The following KCNH8 variants were observed in gnomAD, a reference collection of about 807,000 sequenced individuals.
KCNH8 encodes the protein potassium voltage-gated channel subfamily H member 8, also known as voltage-gated delayed rectifier potassium channel KCNH8.
In KCNH8, 70 loss-of-function variants were observed where a neutral mutation model predicts 103.6. That is an observed-to-expected ratio of 0.68 (90% confidence interval 0.56 to 0.82). The LOEUF is 0.82. KCNH8 is among the 40% of genes least tolerant of loss of function. The pLI, the probability that KCNH8 is intolerant of heterozygous loss-of-function variation, is 0.00. For synonymous variants in KCNH8, 498 were observed against 489.4 expected, an observed-to-expected ratio of 1.02 and a Z score of -0.23; for missense variants, 1,217 against 1,329.9, an observed-to-expected ratio of 0.92 and a Z score of 1.32.
At chr3:19,401,105 G>A (rs566007311) in intron 7 of KCNH8, among the ~76,000 whole-genome samples, 1 of 152,004 alleles carries the variant, frequency 6.6e-6, no homozygotes, top group African/African-American at 2.4e-5. Context: ...GCCTTAATGT[G>A]CACTGGAATG....
chr3:19,528,700 A>C (rs2069107634), intron 15 of KCNH8, among the ~76,000 whole-genome samples: 1 of 152,136 alleles, frequency 6.6e-6, no homozygotes, highest in Non-Finnish European at 1.5e-5. Flanking sequence ...TTATGGTAAA[A>C]TCATGATATA....
chr3:19,178,701 G>A (rs1029770452), intron 1 of KCNH8, among the ~76,000 whole-genome samples: 16 of 152,106 alleles, frequency 1.1e-4, no homozygotes, highest in African/African-American at 3.9e-4. Flanking sequence ...AACATAGGGA[G>A]GCAAATTTCA....
In KCNH8 at chr3:19,198,234, A is replaced by G. The variant is rs552357287; in HGVS notation, c.76+49439A>G. The stretch of plus-strand genomic sequence containing the variant: ...ATAAATGAATAAAGAGGGGCAGTCC[A>G]TTGCTGAACTTTATGTATAGGGACA... On this transcript the variant is annotated intron_variant, in intron 1 of 15. Transcript: ENST00000328405. 3.3e-5 allele frequency among the ~76,000 whole-genome samples: 5 copies of G among 152,254 alleles called. 1 individual carries two copies. Among genetic ancestry groups the G allele is most frequent in the African/African-American group, 7.2e-5 (3 of 41,562 alleles).
At chr3:19,229,469 C>T (rs2063968481) in intron 1 of KCNH8, among the ~76,000 whole-genome samples, 1 of 152,208 alleles carries the variant, frequency 6.6e-6, no homozygotes, top group African/African-American at 2.4e-5. Flanking sequence ...TGGAAGCTGC[C>T]AAGGCTAGGG....
chr3:19,498,747 G>A (rs1197648485), intron 11 of KCNH8, among the ~76,000 whole-genome samples: 2 of 152,152 alleles, frequency 1.3e-5, no homozygotes, highest in East Asian at 1.9e-4. Flanking sequence ...GTGATGTACA[G>A]ATGGGTTTTT....
chr3:19,185,219 GTGGCAA>G (rs1250768255), intron 1 of KCNH8, among the ~76,000 whole-genome samples: 1 of 151,764 alleles, frequency 6.6e-6, no homozygotes, highest in African/African-American at 2.4e-5. Flanking sequence ...ATTTTTTAGA[GTGGCAA>G]TACAATTTTA....
At chr3:19,201,463 T>A (rs1013014281) in intron 1 of KCNH8, among the ~76,000 whole-genome samples, 6 of 152,032 alleles carry the variant, frequency 3.9e-5, no homozygotes, top group Non-Finnish European at 7.4e-5. Flanking sequence ...CCAAGGATGC[T>A]GTATGTCCGT....
At chr3:19,305,017 C>G (rs184742282) in intron 3 of KCNH8, among the ~76,000 whole-genome samples, 206 of 151,906 alleles carry the variant, frequency 1.4e-3, no homozygotes, top group Middle Eastern at 3.4e-3. Context: ...AGCTAAGTTC[C>G]CAGATCTAAA....
At chr3:19,457,022 T>A in intron 11 of KCNH8, 40 bp downstream of exon 11, 1 of 1,385,764 alleles carries the variant, frequency 7.2e-7, no homozygotes, top group Non-Finnish European at 1.0e-6. Context: ...CCTAATAACA[T>A]TGGGCCTGGA....
At chr3:19,530,696 A>G (rs767874903) in intron 15 of KCNH8, among the ~76,000 whole-genome samples, 1 of 152,166 alleles carries the variant, frequency 6.6e-6, no homozygotes, top group Non-Finnish European at 1.5e-5. Context: ...CTTTTTACTC[A>G]TGAGGCTACC....
intron 5 of KCNH8, among the ~76,000 whole-genome samples, chr3:19,350,393 T>G (rs1212756010): frequency 2.0e-5 from 3 of 152,174 alleles, no homozygotes; most frequent in African/African-American, 7.2e-5. Context: ...TCTCCCAGCA[T>G]GGAGTTTGAG....
At chr3:19,314,593 ACAAC>A (rs1401472135) in intron 3 of KCNH8, among the ~76,000 whole-genome samples, 1 of 151,826 alleles carries the variant, frequency 6.6e-6, no homozygotes. Context: ...AAACAAACAA[ACAAC>A]AAACAAAAAA....
intron 11 of KCNH8, among the ~76,000 whole-genome samples, chr3:19,472,120 A>C (rs1411159568): frequency 2.6e-5 from 4 of 151,072 alleles, no homozygotes; most frequent in African/African-American, 9.7e-5. Flanking sequence ...TCATTTTTGC[A>C]ATTCTTTTTT....
intron 1 of KCNH8, among the ~76,000 whole-genome samples, chr3:19,201,669 C>T (rs1045800053): frequency 5.3e-5 from 8 of 152,058 alleles, no homozygotes; most frequent in African/African-American, 1.7e-4. Context: ...CTGGGCCCCC[C>T]ACCTTTATTT....
At chr3:19,331,399 C>A (rs1229207054) in intron 3 of KCNH8, among the ~76,000 whole-genome samples, 1 of 151,934 alleles carries the variant, frequency 6.6e-6, no homozygotes, top group Non-Finnish European at 1.5e-5. Flanking sequence ...TCAAGTGATT[C>A]TCCTGCCTCA....
At chr3:19,375,815 C>A in intron 5 of KCNH8, among the ~76,000 whole-genome samples, 1 of 152,070 alleles carries the variant, frequency 6.6e-6, no homozygotes, top group Non-Finnish European at 1.5e-5. Flanking sequence ...TGTTAGTTTT[C>A]CTTCTAACAG....
Position 19,456,931 on chromosome 3 carries a change from A to C in KCNH8, c.1989A>C (p.Glu663Asp). 2 of 1,612,602 alleles carry C rather than the reference A, an allele frequency of 1.2e-6. No homozygotes were observed. The highest frequency in any genetic ancestry group is 1.7e-6 in the Non-Finnish European group (2 of 1,179,058). ...LYPEYAHKFV[E>D]DIQHDLTYNL... Reference sequence around the variant, plus strand: ...CAGAATATGCTCACAAATTCGTGGAAGACATTCAGCATGACCTCACATACA... The same window carrying C: ...CAGAATATGCTCACAAATTCGTGGACGACATTCAGCATGACCTCACATACA... The change falls in exon 11 of 16, where the codon GAA becomes GAC. Residue 663 changes from glutamate to aspartate, a missense_variant. By Grantham distance (45) the Glu-to-Asp change is conservative. Transcript: ENST00000328405.
chr3:19,289,719 G>A (rs961367298), intron 3 of KCNH8, among the ~76,000 whole-genome samples: 11 of 152,066 alleles, frequency 7.2e-5, no homozygotes, highest in African/African-American at 2.2e-4. Flanking sequence ...GGATTGACTT[G>A]GCAACTCGGG....
At chr3:19,319,760 A>G (rs1259494769) in intron 3 of KCNH8, among the ~76,000 whole-genome samples, 6 of 152,028 alleles carry the variant, frequency 3.9e-5, no homozygotes, top group Non-Finnish European at 7.4e-5. Context: ...TTTTGACAGT[A>G]TGGTCATTTT....
Sources: gnomAD v4.1 joint callset for allele counts (sites outside exome capture counted in the v4.1 genomes callset) on GRCh38, gnomAD v4.1.1 for gene constraint, MANE v1.5 for transcripts, NCBI Gene and HGNC (gene_info 2026-07-23, HGNC 2026-07-21) for gene names.